The following TBC1D5 variants were observed in gnomAD, a reference collection of about 807,000 sequenced individuals.
The protein encoded by TBC1D5 is TBC1 domain family member 5.
Under a neutral mutation model 100.3 loss-of-function variants are expected in TBC1D5, and 75 were observed. The ratio of observed to expected loss-of-function variants is 0.75; its 90% CI spans 0.62 to 0.91. The LOEUF is 0.91. TBC1D5 is among the 40% of genes least tolerant of loss of function. The pLI, the probability that TBC1D5 is intolerant of heterozygous loss-of-function variation, is 0.00. For missense variants in TBC1D5, 910 were observed against 942.4 expected (o/e 0.97, Z 0.45); for synonymous variants, 323 against 325.6 (o/e 0.99, Z 0.09).
chr3:17,656,025 C>A (rs1312361200), intron 1 of TBC1D5, among the ~76,000 whole-genome samples: 3 of 152,208 alleles, frequency 2.0e-5, no homozygotes, highest in African/African-American at 7.2e-5. Context: ...AGCTATTATG[C>A]AGCAAATGAA....
At chr3:17,638,455 T>C (rs2064185179) in intron 1 of TBC1D5, among the ~76,000 whole-genome samples, 1 of 152,086 alleles carries the variant, frequency 6.6e-6, no homozygotes, top group Non-Finnish European at 1.5e-5. Flanking sequence ...GAGTCTGTAG[T>C]TTCACTGCCC....
At chr3:17,242,184 C>T (rs2076362764) in intron 16 of TBC1D5, among the ~76,000 whole-genome samples, 1 of 152,120 alleles carries the variant, frequency 6.6e-6, no homozygotes, top group South Asian at 2.1e-4. Context: ...CCAGTCATGG[C>T]CTGTTCTTAT....
intron 18 of TBC1D5, among the ~76,000 whole-genome samples, chr3:17,196,647 T>A (rs961657406): frequency 1.3e-5 from 2 of 152,226 alleles, no homozygotes. Flanking sequence ...GATGCACACG[T>A]TGGTGTCGTG....
intron 3 of TBC1D5, among the ~76,000 whole-genome samples, chr3:17,485,350 A>ATTG (rs1194751848): frequency 2.0e-5 from 3 of 150,922 alleles, no homozygotes; most frequent in African/African-American, 7.3e-5. Flanking sequence ...TATTATTATT[A>ATTG]TACTTTAAGT....
At chr3:17,183,688 C>G (rs1047348215) in intron 19 of TBC1D5, among the ~76,000 whole-genome samples, 5 of 152,182 alleles carry the variant, frequency 3.3e-5, no homozygotes, top group African/African-American at 9.7e-5. Context: ...AAGACACTGT[C>G]AGGCAGCCAG....
At chr3:17,706,065 C>T (rs1446915646) in intron 1 of TBC1D5, 39 of 1,595,988 alleles carry the variant, frequency 2.4e-5, no homozygotes, top group Non-Finnish European at 3.2e-5. Context: ...CTACTGATTT[C>T]CCCCGACCCC....
chr3:17,686,987 G>T (rs951870501), intron 1 of TBC1D5, among the ~76,000 whole-genome samples: 1 of 152,016 alleles, frequency 6.6e-6, no homozygotes, highest in South Asian at 2.1e-4. Flanking sequence ...ATATATATTT[G>T]GTTAATAGAT....
intron 3 of TBC1D5, among the ~76,000 whole-genome samples, chr3:17,464,222 A>G (rs186817638): frequency 2.1e-3 from 314 of 152,044 alleles, no homozygotes; most frequent in African/African-American, 7.2e-3. Context: ...GGCCTCCCAA[A>G]GTGCTGGGAT....
intron 3 of TBC1D5, among the ~76,000 whole-genome samples, chr3:17,487,133 C>G (rs1007011146): frequency 3.3e-5 from 5 of 152,156 alleles, no homozygotes; most frequent in African/African-American, 1.2e-4. Context: ...CTACACCAAT[C>G]TGTTTATTTA....
At chr3:17,323,330 T>C (rs1334420401) in intron 13 of TBC1D5, among the ~76,000 whole-genome samples, 1 of 152,164 alleles carries the variant, frequency 6.6e-6, no homozygotes, top group Non-Finnish European at 1.5e-5. Flanking sequence ...AGACACATAT[T>C]CACCATGAAT....
intron 1 of TBC1D5, among the ~76,000 whole-genome samples, chr3:17,679,371 T>C (rs946900697): frequency 7.9e-5 from 12 of 151,482 alleles, no homozygotes; most frequent in African/African-American, 2.9e-4. Context: ...CTGGGCAACA[T>C]AAAAGTAATT....
intron 19 of TBC1D5, among the ~76,000 whole-genome samples, chr3:17,169,961 T>C (rs531976333): frequency 6.6e-6 from 1 of 152,224 alleles, no homozygotes; most frequent in Non-Finnish European, 1.5e-5. Context: ...ACAATAGGGT[T>C]TGCGATCCTA....
At chr3:17,177,524 GA>G (rs1242315783) in intron 19 of TBC1D5, among the ~76,000 whole-genome samples, 1 of 152,168 alleles carries the variant, frequency 6.6e-6, no homozygotes, top group East Asian at 1.9e-4. Flanking sequence ...ATGGGGTTAT[GA>G]ATATGTTAAC....
intron 2 of TBC1D5, among the ~76,000 whole-genome samples, chr3:17,593,144 C>T (rs2060340106): frequency 6.6e-6 from 1 of 152,128 alleles, no homozygotes; most frequent in Admixed American, 6.5e-5. Flanking sequence ...TCAGTTTGCA[C>T]CGATGACCTC....
intron 3 of TBC1D5, among the ~76,000 whole-genome samples, chr3:17,475,220 A>C (rs1280532944): frequency 6.6e-6 from 1 of 151,064 alleles, no homozygotes; most frequent in African/African-American, 2.4e-5. Context: ...CACCATCTGC[A>C]TGGTAACTTC....
chr3:17,590,472 A>G (rs2096759781), intron 2 of TBC1D5, among the ~76,000 whole-genome samples: 1 of 152,236 alleles, frequency 6.6e-6, no homozygotes, highest in South Asian at 2.1e-4. Flanking sequence ...CCAAAGGCTT[A>G]GGAAGATTGG....
intron 2 of TBC1D5, among the ~76,000 whole-genome samples, chr3:17,616,170 T>G (rs1363386513): frequency 6.6e-6 from 1 of 152,198 alleles, no homozygotes; most frequent in South Asian, 2.1e-4. Flanking sequence ...AGGAGCAAAT[T>G]GTTCAGTTTC....
intron 13 of TBC1D5, among the ~76,000 whole-genome samples, chr3:17,326,191 A>G (rs1270937254): frequency 6.6e-6 from 1 of 152,242 alleles, no homozygotes; most frequent in Non-Finnish European, 1.5e-5. Context: ...ATACAGATAA[A>G]GAGAGAACCT....
intron 9 of TBC1D5, among the ~76,000 whole-genome samples, chr3:17,382,428 C>G (rs922056109): frequency 6.6e-6 from 1 of 151,864 alleles, no homozygotes; most frequent in Non-Finnish European, 1.5e-5. Context: ...AAAAAAAACA[C>G]GTATCTTACT....
Sources: gnomAD v4.1 joint callset for allele counts (sites outside exome capture counted in the v4.1 genomes callset) on GRCh38, gnomAD v4.1.1 for gene constraint, MANE v1.5 for transcripts, NCBI Gene and HGNC (gene_info 2026-07-23, HGNC 2026-07-21) for gene names.